The following ZNF234 variants were observed in gnomAD, a reference collection of about 807,000 sequenced individuals.
ZNF234 encodes C2-H2 type zinc finger protein.
A neutral mutation model predicts 10.3 loss-of-function variants in ZNF234; 4 were observed. The ratio of observed to expected loss-of-function variants is 0.39; its 90% confidence interval spans 0.19 to 0.89. The LOEUF (loss-of-function observed/expected upper bound fraction) is 0.89, where lower values mean the gene tolerates loss of function less well. Ranked by LOEUF, ZNF234 falls within the 40% of genes least tolerant of loss-of-function variation. The pLI is 0.38. For missense variants in ZNF234, 711 were observed against 836.1 expected (o/e 0.85, Z 1.85); for synonymous variants, 258 against 280.1 (o/e 0.92, Z 0.79).
rs898490628 is a variant in ZNF234 at position 44,154,294 on chromosome 19, G to A, written c.236-1958G>A. Among the ~76,000 whole-genome samples the A allele has an allele frequency of 2.9e-4, 41 of 142,498 alleles. 1 individual carries two copies. The highest frequency in any genetic ancestry group is 1.1e-3 in the African/African-American group (39 of 35,344). The allele number at this position is 142,498 out of a possible 152,430, so 93.5% of individuals were successfully genotyped here. A position where few individuals can be genotyped will look rare whatever the true frequency, so the allele number is the denominator to read the frequency against. Reference sequence around the variant, plus strand: ...TCCATCTCAATTGTGAAAGATTGGAGTCTACTTCTTTTTCACTTTTTTTTT... The same window carrying A: ...TCCATCTCAATTGTGAAAGATTGGAATCTACTTCTTTTTCACTTTTTTTTT... On this transcript the variant is annotated intron_variant, in intron 5 of 5. Transcript: ENST00000426739.
Position 44,150,456 on chromosome 19 carries a change from A to G in ZNF234, c.186A>G (p.Glu62=), listed in dbSNP as rs1309335380. Residue 62 remains glutamate (E), a synonymous_variant, in exon 5 of 6, where the codon GAA becomes GAG. Transcript: ENST00000426739. The part of the protein sequence containing the change: ...FKHDVFLLEK[E]KKLDIMKTAT... Reference sequence around the variant, plus strand: ...ATGATGTATTCCTTTTAGAAAAGGAAAAAAAGCTTGATATAATGAAGACAG... The same window carrying G: ...ATGATGTATTCCTTTTAGAAAAGGAGAAAAAGCTTGATATAATGAAGACAG... 1 of 1,590,678 alleles carries G rather than the reference A, an allele frequency of 6.3e-7. No homozygotes were observed. Among genetic ancestry groups the G allele is most frequent in the Admixed American group, 1.8e-5 (1 of 56,144 alleles).
Position 44,158,340 on chromosome 19 carries a change from C to A in ZNF234, c.*221C>A. 1 of 527,816 alleles carries A rather than the reference C, an allele frequency of 1.9e-6. No individual in the cohort carries two copies. The highest frequency in any genetic ancestry group is 3.4e-6 in the Non-Finnish European group (1 of 292,422). The allele number at this position is 527,816 out of a possible 1,614,324, so 32.7% of individuals were successfully genotyped here. ...TGGTGCTATCTCAGCTCACTGTAAC[C>A]TCCACTTCCCGGGTTCAAGTGATTC... On this transcript the variant is annotated 3_prime_UTR_variant, in exon 6 of 6. Coordinates refer to ENST00000426739, the MANE Select transcript of ZNF234 (RefSeq NM_006630.3).
chr19:44,146,767 C>G (rs1184490123), intron 3 of ZNF234, among the ~76,000 whole-genome samples: 1 of 145,726 alleles, frequency 6.9e-6, no homozygotes, highest in East Asian at 2.1e-4. Context: ...TTTTGGTCAT[C>G]ATATAGAGAA....
intron 2 of ZNF234, among the ~76,000 whole-genome samples, chr19:44,143,001 A>G (rs886388403): frequency 6.6e-6 from 1 of 152,214 alleles, no homozygotes; most frequent in Admixed American, 6.5e-5. Context: ...GGAAATTTCC[A>G]GATAAAGAGA....
rs1036647231 is a variant in ZNF234, at chr19:44,144,656, G to A, written c.15+9G>A. The A allele has an allele frequency of 1.3e-6, 2 of 1,547,700 alleles. No homozygotes were observed. Among genetic ancestry groups the A allele is most frequent in the Non-Finnish European group, 1.8e-6 (2 of 1,140,690 alleles). On this transcript the variant is annotated intron_variant, in intron 3 of 5. Transcript: ENST00000426739. ...AAATGACCACATTCAAGGTGAATAAGGCTTGCCACTCTTGCTGTTAAAATT... is the reference window on the plus strand; with the variant it reads ...AAATGACCACATTCAAGGTGAATAAAGCTTGCCACTCTTGCTGTTAAAATT...
At position 44,143,726 on chromosome 19, in the gene ZNF234, C is replaced by A. The variant is rs144209786; in HGVS notation, c.-76-831C>A. ...ACTCTGGTGGCTGAGGCATGAGAAT[C>A]GCTTGAACCCAGGAGGAGAAGGTTG... On this transcript the variant is annotated intron_variant, in intron 2 of 5. Transcript: ENST00000426739. Among the ~76,000 whole-genome samples, 21 of 152,090 alleles carry A rather than the reference C, an allele frequency of 1.4e-4. No homozygotes were observed. In the East Asian group the frequency reaches 3.7e-3, roughly 27 times the overall value.
chr19:44,157,985 T>C lies in ZNF234; in HGVS notation c.1969T>C (p.Cys657Arg), dbSNP rs370844941. 12 of 1,613,870 alleles carry C rather than the reference T, an allele frequency of 7.4e-6. No individual in the cohort carries two copies. The highest frequency in any genetic ancestry group is 2.2e-5 in the East Asian group (1 of 44,886). The change falls in exon 6 of 6, where the codon TGT becomes CGT. Residue 657 changes from cysteine (C) to arginine (R), a missense_variant. Cys to Arg is a radical substitution (Grantham distance 180). Coordinates refer to ENST00000426739, the MANE Select transcript of ZNF234 (RefSeq NM_006630.3). ...TGEKPYKCEICGKRFSWRSNL... is the reference protein window; with the variant it reads ...TGEKPYKCEIRGKRFSWRSNL... ...GGAAAAACCTTACAAATGTGAGATATGTGGTAAGAGGTTCAGCTGGCGATC... is the reference window on the plus strand; with the variant it reads ...GGAAAAACCTTACAAATGTGAGATACGTGGTAAGAGGTTCAGCTGGCGATC...
rs552970144 is a variant in ZNF234, at chr19:44,154,779, G to A, written c.236-1473G>A. On this transcript the variant is annotated intron_variant, in intron 5 of 5. Coordinates refer to ENST00000426739, the MANE Select transcript of ZNF234 (RefSeq NM_006630.3). ...CCCAAATAGTGTTAACTACGGGTGC[G>A]TGCCACCACATCTGGCCAATTTTTT... Among the ~76,000 whole-genome samples, 10 of 151,986 alleles carry A rather than the reference G, an allele frequency of 6.6e-5. No homozygotes were observed. The South Asian group carries it at 1.0e-3, about 16-fold the overall frequency.
At chr19:44,154,905 T>A (rs1968843105) in intron 5 of ZNF234, among the ~76,000 whole-genome samples, 1 of 152,122 alleles carries the variant, frequency 6.6e-6, no homozygotes, top group African/African-American at 2.4e-5. Flanking sequence ...CCAACATGCT[T>A]GGATTACAGA....
rs187990685 is a variant in ZNF234, at chr19:44,153,346, C to T, written c.235+2841C>T. Among the ~76,000 whole-genome samples, 19 of 151,740 alleles carry T rather than the reference C, an allele frequency of 1.3e-4. No individual in the cohort carries two copies. In the East Asian group the frequency reaches 1.7e-3, roughly 14 times the overall value. On this transcript the variant is annotated intron_variant, in intron 5 of 5. Transcript: ENST00000426739. ...TTTGAGCATGAGCCATAGCAAGAAA[C>T]GCATTTTTCATTGAAATTAGAACAA... is the stretch of plus-strand genomic sequence containing the variant.
Position 44,159,712 on chromosome 19 carries a change from T to G in ZNF234, c.*1593T>G. On this transcript the variant is annotated 3_prime_UTR_variant, in exon 6 of 6. Transcript: ENST00000426739. ...ATTTCCATCCAGACTTTGACATGAT[T>G]GCCGTCTAATAACTGTAGCATTCTC... 1 of 419,552 alleles carries G rather than the reference T, an allele frequency of 2.4e-6. No homozygotes were observed. Among genetic ancestry groups the G allele is most frequent in the Non-Finnish European group, 5.0e-6 (1 of 198,070 alleles). The allele number at this position is 419,552 out of a possible 1,614,324, so 26.0% of individuals were successfully genotyped here. A position where few individuals can be genotyped will look rare whatever the true frequency, so the allele number is the denominator to read the frequency against.
At chr19:44,143,770 C>G (rs947819442) in intron 2 of ZNF234, among the ~76,000 whole-genome samples, 2 of 152,158 alleles carry the variant, frequency 1.3e-5, no homozygotes, top group Admixed American at 6.5e-5. Context: ...CAAGATTGCA[C>G]CACTGCTCTC....
Position 44,156,883 on chromosome 19 carries a change from A to C in ZNF234, c.867A>C (p.Lys289Asn). Residue 289 changes from lysine (K) to asparagine (N), a missense_variant, in exon 6 of 6, where the codon AAA becomes AAC. Physicochemically the swap from Lys to Asn is moderately conservative, Grantham distance 94. Transcript: ENST00000426739. ...QRIHTGEKPF[K>N]CDTCGKNFRR... is the part of the protein sequence containing the mutation. ...TTCATACTGGGGAGAAACCATTCAA[A>C]TGTGATACATGTGGTAAGAACTTCC... is the stretch of plus-strand genomic sequence containing the variant. 6.2e-7 allele frequency: 1 copy of C among 1,613,786 alleles called. No individual in the cohort carries two copies. The highest frequency in any genetic ancestry group is 8.5e-7 in the Non-Finnish European group (1 of 1,179,744).
chr19:44,153,769 T>G (rs1458483877), intron 5 of ZNF234, among the ~76,000 whole-genome samples: 1 of 152,242 alleles, frequency 6.6e-6, no homozygotes, highest in African/African-American at 2.4e-5. Context: ...AAATAACATT[T>G]GGAAAAGATG....
At chr19:44,148,419 G>C (rs1292259540) in intron 3 of ZNF234, among the ~76,000 whole-genome samples, 1 of 152,348 alleles carries the variant, frequency 6.6e-6, no homozygotes, top group South Asian at 2.1e-4. Context: ...GTGTTATCAT[G>C]TATGTTGGTT....
rs1968712711 is a variant in ZNF234, at chr19:44,150,467, A to C, written c.197A>C (p.Asp66Ala). Residue 66 changes from aspartate to alanine, a missense_variant, in exon 5 of 6, where the codon GAT (aspartate) becomes GCT (alanine). By Grantham distance (126) the Asp-to-Ala change is moderately radical. Coordinates refer to ENST00000426739, the MANE Select transcript of ZNF234 (RefSeq NM_006630.3). ...VFLLEKEKKLDIMKTATQRKG... is the reference protein window; with the variant it reads ...VFLLEKEKKLAIMKTATQRKG... Reference sequence around the variant, plus strand: ...CTTTTAGAAAAGGAAAAAAAGCTTGATATAATGAAGACAGCAACTCAAAGA... The same window carrying C: ...CTTTTAGAAAAGGAAAAAAAGCTTGCTATAATGAAGACAGCAACTCAAAGA... The C allele has an allele frequency of 6.3e-7, 1 of 1,590,098 alleles. No homozygotes were observed. Among genetic ancestry groups the C allele is most frequent in the Admixed American group, 1.8e-5 (1 of 56,092 alleles).
chr19:44,145,507 C>G (rs1968568227), intron 3 of ZNF234, among the ~76,000 whole-genome samples: 1 of 152,178 alleles, frequency 6.6e-6, no homozygotes, highest in South Asian at 2.1e-4. Flanking sequence ...ATTCTCCTGC[C>G]TCAGCCTCCC....
At chr19:44,150,233 A>G (rs1968705542) in intron 4 of ZNF234, among the ~76,000 whole-genome samples, 180 bp from the exon 5 acceptor site, 1 of 152,120 alleles carries the variant, frequency 6.6e-6, no homozygotes, top group Non-Finnish European at 1.5e-5. Flanking sequence ...TATAGCACAT[A>G]TTTATGTCTA....
intron 3 of ZNF234, among the ~76,000 whole-genome samples, chr19:44,146,047 AG>A (rs1968582831): frequency 6.6e-6 from 1 of 152,226 alleles, no homozygotes; most frequent in African/African-American, 2.4e-5. Flanking sequence ...ATAGAAAGTC[AG>A]GGGTCAGAAA....
Sources: allele counts gnomAD v4.1 joint callset (sites outside exome capture counted in the v4.1 genomes callset), GRCh38; gene constraint gnomAD v4.1.1; transcripts MANE v1.5; gene names NCBI Gene and HGNC (gene_info 2026-07-23, HGNC 2026-07-21).